Variants in GPR32 observed in about 807,000 individuals in gnomAD.
GPR32 encodes the protein probable G protein-coupled receptor 32.
For synonymous variants in GPR32, 215 were observed against 195.3 expected, an observed-to-expected ratio of 1.10 and a Z score of -0.84; for missense variants, 433 against 454.1, an observed-to-expected ratio of 0.95 and a Z score of 0.42.
chr19:50,771,475 C>A lies in GPR32; in HGVS notation c.875C>A (p.Pro292His). Reference sequence around the variant, plus strand: ...GTGATGCTCAAGGAAATCTACCACCCCCGGATGCTGCTCATCCTCCAGGCT... The same window carrying A: ...GTGATGCTCAAGGAAATCTACCACCACCGGATGCTGCTCATCCTCCAGGCT... ...RRVMLKEIYHPRMLLILQASF... is the reference protein window; with the variant it reads ...RRVMLKEIYHHRMLLILQASF... The change falls in exon 1 of 1, where the codon CCC (proline) becomes CAC (histidine). Residue 292 changes from proline to histidine, a missense_variant. By Grantham distance (77) the Pro-to-His change is moderately conservative. Transcript: ENST00000270590. 6.2e-7 allele frequency: 1 copy of A among 1,614,180 alleles called. No individual in the cohort carries two copies. The highest frequency in any genetic ancestry group is 8.5e-7 in the Non-Finnish European group (1 of 1,180,020).
rs1271320270 is a variant in GPR32, at chr19:50,771,032, C to T, written c.432C>T (p.Leu144=). ...FISVDRCISV[L]YPVWALNHRT... ...CTGTGGACCGTTGCATCTCTGTCCT[C>T]TACCCCGTCTGGGCCCTGAACCACC... is the stretch of plus-strand genomic sequence containing the variant. The change falls in exon 1 of 1, where the codon CTC becomes CTT. Residue 144 remains leucine (L), a synonymous_variant. Coordinates refer to ENST00000270590, the MANE Select transcript of GPR32 (RefSeq NM_001506.2). 2 of 1,614,192 alleles carry T rather than the reference C, an allele frequency of 1.2e-6. No homozygotes were observed. The highest frequency in any genetic ancestry group is 1.1e-5 in the South Asian group (1 of 91,086).
rs759518640 is a variant in GPR32 at position 50,770,878 on chromosome 19, T to G, written c.278T>G (p.Leu93Arg). The change falls in exon 1 of 1, where the codon CTG (leucine) becomes CGG (arginine). Residue 93 changes from leucine to arginine, a missense_variant. Leu to Arg is a moderately radical substitution (Grantham distance 102). Transcript: ENST00000270590. ...GCCCTTGCCGATTTCATGCTCTCAC[T>G]GTCTCTGCCCATTGCCATGTACTAT... ...HLALADFMLS[L>R]SLPIAMYYIV... 12 of 1,614,088 alleles carry G rather than the reference T, an allele frequency of 7.4e-6. No individual in the cohort carries two copies. Among genetic ancestry groups the G allele is most frequent in the Non-Finnish European group, 1.0e-5 (12 of 1,180,028 alleles).
rs780591683 is a variant in GPR32, at chr19:50,771,225, G to A, written c.625G>A (p.Val209Ile). 1.7e-5 allele frequency: 27 copies of A among 1,614,186 alleles called. No individual in the cohort carries two copies. The highest frequency in any genetic ancestry group is 2.2e-5 in the East Asian group (1 of 44,882). Reference protein sequence around the residue: ...NETAQIWIEGVVEGHIIGTIG... With the variant: ...NETAQIWIEGIVEGHIIGTIG... ...GACTGCCCAGATTTGGATTGAAGGG[G>A]TCGTGGAGGGACACATTATAGGGAC... Residue 209 changes from valine to isoleucine, a missense_variant, in exon 1 of 1, where the codon GTC becomes ATC. Physicochemically the swap from Val to Ile is conservative, Grantham distance 29. Transcript: ENST00000270590.
Position 50,771,301 on chromosome 19 carries a change from C to T in GPR32, c.701C>T (p.Thr234Ile). ...CTGGGGCCCTTAGCAATCATAGGCA[C>T]CTGCGCCCACCTCATCCGGGCCAAG... ...GFLGPLAIIG[T>I]CAHLIRAKLL... Residue 234 changes from threonine to isoleucine, a missense_variant, in exon 1 of 1, where the codon ACC (threonine) becomes ATC (isoleucine). Coordinates refer to ENST00000270590, the MANE Select transcript of GPR32 (RefSeq NM_001506.2). 1 of 1,614,152 alleles carries T rather than the reference C, an allele frequency of 6.2e-7. No individual in the cohort carries two copies. The highest frequency in any genetic ancestry group is 8.5e-7 in the Non-Finnish European group (1 of 1,180,004).
Position 50,771,310 on chromosome 19 carries a change from A to G in GPR32, c.710A>G (p.His237Arg). Residue 237 changes from histidine to arginine, a missense_variant, in exon 1 of 1, where the codon CAC becomes CGC. His to Arg is a conservative substitution (Grantham distance 29). Transcript: ENST00000270590. ...GPLAIIGTCAHLIRAKLLREG... is the reference protein window; with the variant it reads ...GPLAIIGTCARLIRAKLLREG... ...TTAGCAATCATAGGCACCTGCGCCC[A>G]CCTCATCCGGGCCAAGCTCTTGCGG... 1.2e-6 allele frequency: 2 copies of G among 1,613,992 alleles called. No homozygotes were observed. Among genetic ancestry groups the G allele is most frequent in the Non-Finnish European group, 1.7e-6 (2 of 1,179,978 alleles).
In GPR32 at chr19:50,771,553, T is replaced by C. The variant is rs1273605337; in HGVS notation, c.953T>C (p.Phe318Ser). Residue 318 changes from phenylalanine to serine, a missense_variant, in exon 1 of 1, where the codon TTC (phenylalanine) becomes TCC (serine). Physicochemically the swap from Phe to Ser is radical, Grantham distance 155. Coordinates refer to ENST00000270590, the MANE Select transcript of GPR32 (RefSeq NM_001506.2). Reference sequence around the variant, plus strand: ...AGCCTCAACCCCTTCCTCTACGTCTTCGTTGGCAGAGATTTCCAAGAAAAG... The same window carrying C: ...AGCCTCAACCCCTTCCTCTACGTCTCCGTTGGCAGAGATTTCCAAGAAAAG... ...NSSLNPFLYV[F>S]VGRDFQEKFF... 1 of 1,614,184 alleles carries C rather than the reference T, an allele frequency of 6.2e-7. No individual in the cohort carries two copies. Among genetic ancestry groups the C allele is most frequent in the Non-Finnish European group, 8.5e-7 (1 of 1,180,020 alleles).
rs2089398538 is a variant in GPR32 at position 50,771,194 on chromosome 19, C to A, written c.594C>A (p.Asp198Glu). The A allele has an allele frequency of 6.2e-7, 1 of 1,614,192 alleles. No homozygotes were observed. The highest frequency in any genetic ancestry group is 1.1e-5 in the South Asian group (1 of 91,090). The change falls in exon 1 of 1, where the codon GAC becomes GAA. Residue 198 changes from aspartate to glutamate, a missense_variant. Coordinates refer to ENST00000270590, the MANE Select transcript of GPR32 (RefSeq NM_001506.2). ...ACTGCTACTTGGCGTTCAACTCTGACAATGAGACTGCCCAGATTTGGATTG... is the reference window on the plus strand; with the variant it reads ...ACTGCTACTTGGCGTTCAACTCTGAAAATGAGACTGCCCAGATTTGGATTG... ...CTHCYLAFNS[D>E]NETAQIWIEG...
rs1332702317 is a variant in GPR32 at position 50,770,731 on chromosome 19, C to A, written c.131C>A (p.Pro44Gln). 6.2e-7 allele frequency: 1 copy of A among 1,614,012 alleles called. No homozygotes were observed. The highest frequency in any genetic ancestry group is 1.1e-5 in the South Asian group (1 of 91,070). ...TCTGAGGAGGTGGGGTCCCTCCGCC[C>A]ACTGACTGTGGTTATCCTGTCTGCG... is the stretch of plus-strand genomic sequence containing the variant. ...CLSEEVGSLR[P>Q]LTVVILSASI... Residue 44 changes from proline to glutamine, a missense_variant, in exon 1 of 1, where the codon CCA becomes CAA. Coordinates refer to ENST00000270590, the MANE Select transcript of GPR32 (RefSeq NM_001506.2).
In GPR32 at chr19:50,771,576, A is replaced by C; in HGVS notation, c.976A>C (p.Lys326Gln). The C allele has an allele frequency of 6.2e-7, 1 of 1,614,028 alleles. No individual in the cohort carries two copies. The stretch of plus-strand genomic sequence containing the variant: ...CTTCGTTGGCAGAGATTTCCAAGAA[A>C]AGTTTTTCCAGTCTTTGACTTCTGC... ...YVFVGRDFQE[K>Q]FFQSLTSALA... Residue 326 changes from lysine (K) to glutamine (Q), a missense_variant, in exon 1 of 1, where the codon AAG becomes CAG. Coordinates refer to ENST00000270590, the MANE Select transcript of GPR32 (RefSeq NM_001506.2).
At position 50,771,431 on chromosome 19, in the gene GPR32, G is replaced by C. The variant is rs2089400091; in HGVS notation, c.831G>C (p.Leu277Phe). Reference protein sequence around the residue: ...IFWSPFNVVLLVHLWRRVMLK... With the variant: ...IFWSPFNVVLFVHLWRRVMLK... ...GGTCCCCGTTTAACGTGGTGCTGTTGGTCCATCTGTGGCGACGGGTGATGC... is the reference window on the plus strand; with the variant it reads ...GGTCCCCGTTTAACGTGGTGCTGTTCGTCCATCTGTGGCGACGGGTGATGC... Residue 277 changes from leucine (L) to phenylalanine (F), a missense_variant, in exon 1 of 1, where the codon TTG becomes TTC. Coordinates refer to ENST00000270590, the MANE Select transcript of GPR32 (RefSeq NM_001506.2). 1 of 1,614,024 alleles carries C rather than the reference G, an allele frequency of 6.2e-7. No individual in the cohort carries two copies. Among genetic ancestry groups the C allele is most frequent in the Non-Finnish European group, 8.5e-7 (1 of 1,180,038 alleles).
chr19:50,771,185 C>A lies in GPR32; in HGVS notation c.585C>A (p.Phe195Leu). 1.2e-6 allele frequency: 2 copies of A among 1,614,210 alleles called. No individual in the cohort carries two copies. The highest frequency in any genetic ancestry group is 1.7e-6 in the Non-Finnish European group (2 of 1,180,042). Reference sequence around the variant, plus strand: ...GCTGTACGCACTGCTACTTGGCGTTCAACTCTGACAATGAGACTGCCCAGA... The same window carrying A: ...GCTGTACGCACTGCTACTTGGCGTTAAACTCTGACAATGAGACTGCCCAGA... ...WNGCTHCYLAFNSDNETAQIW... is the reference protein window; with the variant it reads ...WNGCTHCYLALNSDNETAQIW... Residue 195 changes from phenylalanine (F) to leucine (L), a missense_variant, in exon 1 of 1, where the codon TTC (phenylalanine) becomes TTA (leucine). Physicochemically the swap from Phe to Leu is conservative, Grantham distance 22 (BLOSUM62 0). Transcript: ENST00000270590.
At position 50,770,976 on chromosome 19, in the gene GPR32, T is replaced by A; in HGVS notation, c.376T>A (p.Phe126Ile). The A allele has an allele frequency of 6.2e-7, 1 of 1,614,170 alleles. No individual in the cohort carries two copies. The highest frequency in any genetic ancestry group is 8.5e-7 in the Non-Finnish European group (1 of 1,180,026). Reference protein sequence around the residue: ...LYITFVFLSYFASNCLLVFIS... With the variant: ...LYITFVFLSYIASNCLLVFIS... ...CATCACCTTTGTGTTCCTCAGCTAC[T>A]TTGCCAGTAACTGCCTCCTTGTCTT... The change falls in exon 1 of 1, where the codon TTT becomes ATT. Residue 126 changes from phenylalanine to isoleucine, a missense_variant. Physicochemically the swap from Phe to Ile is conservative, Grantham distance 21. Transcript: ENST00000270590.
In GPR32 at chr19:50,771,425, G is replaced by T; in HGVS notation, c.825G>T (p.Val275=). ...TCTTCTGGTCCCCGTTTAACGTGGT[G>T]CTGTTGGTCCATCTGTGGCGACGGG... ...FFIFWSPFNV[V]LLVHLWRRVM... Residue 275 remains valine, a synonymous_variant, in exon 1 of 1, where the codon GTG becomes GTT. Coordinates refer to ENST00000270590, the MANE Select transcript of GPR32 (RefSeq NM_001506.2). 4 of 1,614,164 alleles carry T rather than the reference G, an allele frequency of 2.5e-6. No homozygotes were observed.
At chr19:50,770,692 CT>C in the GPR32 span, 1 of 1,614,126 alleles carries the variant, frequency 6.2e-7, no homozygotes, top group South Asian at 1.1e-5. Flanking sequence ...AAGATGAACT[CT>C]TCCGGATGCC....
Position 50,771,477 on chromosome 19 carries a change from C to T in GPR32, c.877C>T (p.Arg293Trp), listed in dbSNP as rs779900984. The change falls in exon 1 of 1, where the codon CGG (arginine) becomes TGG (tryptophan). Residue 293 changes from arginine (R) to tryptophan (W), a missense_variant. Transcript: ENST00000270590. Reference protein sequence around the residue: ...RVMLKEIYHPRMLLILQASFA... With the variant: ...RVMLKEIYHPWMLLILQASFA... Reference sequence around the variant, plus strand: ...GATGCTCAAGGAAATCTACCACCCCCGGATGCTGCTCATCCTCCAGGCTAG... The same window carrying T: ...GATGCTCAAGGAAATCTACCACCCCTGGATGCTGCTCATCCTCCAGGCTAG... 1.9e-6 allele frequency: 3 copies of T among 1,614,204 alleles called. No individual in the cohort carries two copies. Among genetic ancestry groups the T allele is most frequent in the Non-Finnish European group, 2.5e-6 (3 of 1,180,026 alleles).
rs1487803554 is a variant in GPR32, at chr19:50,770,609, G to C, written c.9G>C (p.Gly3=). ...TATGGAATGGAGAAATCATGAATGG[G>C]GTCTCGGAGGGGACCAGAGGCTGCA... MN[G]VSEGTRGCSD... Residue 3 remains glycine, a synonymous_variant, in exon 1 of 1, where the codon GGG becomes GGC. Coordinates refer to ENST00000270590, the MANE Select transcript of GPR32 (RefSeq NM_001506.2). 2.6e-6 allele frequency: 4 copies of C among 1,565,224 alleles called. No individual in the cohort carries two copies. Among genetic ancestry groups the C allele is most frequent in the Non-Finnish European group, 3.5e-6 (4 of 1,154,996 alleles).
Position 50,770,492 on chromosome 19 carries a change from T to G in GPR32, c.-109T>G, listed in dbSNP as rs1599899059. 1.4e-6 allele frequency: 1 copy of G among 719,756 alleles called. No homozygotes were observed. The highest frequency in any genetic ancestry group is 2.2e-6 in the Non-Finnish European group (1 of 447,378). The allele number at this position is 719,756 out of a possible 1,614,324, so 44.6% of individuals were successfully genotyped here. ...TGAGCCTAGGAGGTGGAGGCTGCAGTGATCTGTGATTGTACCTTTGCACTC... is the reference window on the plus strand; with the variant it reads ...TGAGCCTAGGAGGTGGAGGCTGCAGGGATCTGTGATTGTACCTTTGCACTC... On this transcript the variant is annotated 5_prime_UTR_variant, in exon 1 of 1. Coordinates refer to ENST00000270590, the MANE Select transcript of GPR32 (RefSeq NM_001506.2).
In GPR32 at chr19:50,770,668, G is replaced by C. The variant is rs201317983; in HGVS notation, c.68G>C (p.Arg23Pro). 13 of 1,613,894 alleles carry C rather than the reference G, an allele frequency of 8.1e-6. No individual in the cohort carries two copies. The highest frequency in any genetic ancestry group is 3.3e-5 in the Admixed American group (2 of 59,992). ...CAACCTGGGGTCCTGACACGTGATC[G>C]CTCTTGTTCCAGGAAGATGAACTCT... ...DRQPGVLTRD[R>P]SCSRKMNSSG... Residue 23 changes from arginine (R) to proline (P), a missense_variant, in exon 1 of 1, where the codon CGC becomes CCC. By Grantham distance (103) the Arg-to-Pro change is moderately radical. Coordinates refer to ENST00000270590, the MANE Select transcript of GPR32 (RefSeq NM_001506.2).
chr19:50,771,039 G>T lies in GPR32; in HGVS notation c.439G>T (p.Val147Phe), dbSNP rs750300251. 10 of 1,613,922 alleles carry T rather than the reference G, an allele frequency of 6.2e-6. No individual in the cohort carries two copies. In the East Asian group the frequency reaches 8.9e-5, roughly 14 times the overall value. Reference protein sequence around the residue: ...VDRCISVLYPVWALNHRTVQR... With the variant: ...VDRCISVLYPFWALNHRTVQR... ...CCGTTGCATCTCTGTCCTCTACCCC[G>T]TCTGGGCCCTGAACCACCGCACTGT... Residue 147 changes from valine to phenylalanine, a missense_variant, in exon 1 of 1, where the codon GTC becomes TTC. Transcript: ENST00000270590.
Sources: gnomAD v4.1 joint callset for allele counts on GRCh38, gnomAD v4.1.1 for gene constraint, MANE v1.5 for transcripts, NCBI Gene and HGNC (gene_info 2026-07-23, HGNC 2026-07-21) for gene names.